The following ZMYND11 variants were observed in gnomAD, a reference collection of about 807,000 sequenced individuals.
ZMYND11 encodes zinc finger MYND domain-containing protein 11.
ZMYND11 carries 9 observed loss-of-function variants against 84.9 expected under a neutral mutation model. The ratio of observed to expected loss-of-function variants is 0.11; its 90% CI spans 0.06 to 0.18. The LOEUF is 0.18. ZMYND11 is among the 10% of genes least tolerant of loss of function. The probability of loss-of-function intolerance (pLI) is 1.00; values close to 1 mark genes in which losing one functional copy is unlikely to be tolerated. For missense variants in ZMYND11, 409 were observed against 761.0 expected (o/e 0.54, Z 5.44); for synonymous variants, 250 against 244.1 (o/e 1.02, Z -0.23).
chr10:211,563 A>G (rs1006572872), intron 3 of ZMYND11, among the ~76,000 whole-genome samples: 3 of 152,202 alleles, frequency 2.0e-5, no homozygotes, highest in African/African-American at 7.2e-5. Flanking sequence ...GTTTATAGCA[A>G]CAGCTGTGAT....
chr10:197,084 A>G lies in ZMYND11; in HGVS notation c.117-12805A>G, dbSNP rs575925659. On this transcript the variant is annotated intron_variant, in intron 2 of 14. Transcript: ENST00000381604. ...TGTGTTCATGTATGTGTATCAATAC[A>G]TACGCATGGAAGGTGGCGTGCTTTT... 3.3e-3 allele frequency among the ~76,000 whole-genome samples: 495 copies of G among 150,634 alleles called. 3 individuals are homozygous for G. The highest frequency in any genetic ancestry group is 0.012 in the African/African-American group (476 of 40,604).
At position 153,802 on chromosome 10, in the gene ZMYND11, C is replaced by T. The variant is rs143457042; in HGVS notation, c.-20+18243C>T. On this transcript the variant is annotated intron_variant, in intron 1 of 14. Coordinates refer to ENST00000381604, the MANE Select transcript of ZMYND11 (RefSeq NM_001370100.5). ...ATTAGATGGGTTTATTTGCCAGTGTCGTTGTAAAACAAGCCAGTTTCTTCC... is the reference window on the plus strand; with the variant it reads ...ATTAGATGGGTTTATTTGCCAGTGTTGTTGTAAAACAAGCCAGTTTCTTCC... 3.9e-3 allele frequency among the ~76,000 whole-genome samples: 594 copies of T among 152,262 alleles called. 4 individuals carry two copies. The highest frequency in any genetic ancestry group is 0.013 in the African/African-American group (542 of 41,542).
Position 248,941 on chromosome 10 carries a change from A to C in ZMYND11, c.1539A>C (p.Val513=). Residue 513 remains valine (V), a synonymous_variant, in exon 14 of 15, where the codon GTA becomes GTC. Transcript: ENST00000381604. ...TGGAAGAAGAAAAGAGACAAGCTGT[A>C]AATAAAGCTGTAGCCAACATGCAGG... ...SEMEEEKRQA[V]NKAVANMQGE... 6.2e-7 allele frequency: 1 copy of C among 1,614,058 alleles called. No individual in the cohort carries two copies. The highest frequency in any genetic ancestry group is 1.1e-5 in the South Asian group (1 of 91,032).
At chr10:214,600 G>C (rs1028905151) in intron 3 of ZMYND11, among the ~76,000 whole-genome samples, 4 of 152,174 alleles carry the variant, frequency 2.6e-5, no homozygotes, top group African/African-American at 9.7e-5. Context: ...ATTGGAAAAA[G>C]ACCGCAAGAC....
upstream of ZMYND11, among the ~76,000 whole-genome samples, chr10:133,010 C>T (rs1412991312): frequency 6.6e-6 from 1 of 152,218 alleles, no homozygotes; most frequent in Non-Finnish European, 1.5e-5. Flanking sequence ...TTCTGGGCTT[C>T]CTCCAAACCT....
intron 2 of ZMYND11, among the ~76,000 whole-genome samples, chr10:202,562 G>A (rs1421791585): frequency 6.6e-6 from 1 of 151,858 alleles, no homozygotes; most frequent in Non-Finnish European, 1.5e-5. Context: ...TGACTCCTTT[G>A]TTAGATTCTC....
chr10:175,089 A>G (rs1353180059), intron 1 of ZMYND11, among the ~76,000 whole-genome samples: 3 of 152,166 alleles, frequency 2.0e-5, no homozygotes, highest in Admixed American at 2.0e-4. Context: ...ACCCTAATGT[A>G]TACTGTGGAC....
intron 1 of ZMYND11, among the ~76,000 whole-genome samples, chr10:154,039 A>AACACC (rs1279657732): frequency 2.2e-4 from 33 of 152,192 alleles, no homozygotes; most frequent in African/African-American, 6.3e-4. Flanking sequence ...TCAGCTTCAC[A>AACACC]ACATTGCTGT....
chr10:142,202 G>A (rs1263253488), intron 1 of ZMYND11, among the ~76,000 whole-genome samples: 10 of 152,162 alleles, frequency 6.6e-5, no homozygotes, highest in African/African-American at 2.4e-4. Context: ...CTGGGCTCAA[G>A]TGATCCTCAC....
chr10:182,830 T>C (rs942640486), intron 2 of ZMYND11, among the ~76,000 whole-genome samples: 1 of 152,178 alleles, frequency 6.6e-6, no homozygotes, highest in Admixed American at 6.5e-5. Context: ...GATCTTTTGC[T>C]CTAAAGCCTA....
intron 1 of ZMYND11, among the ~76,000 whole-genome samples, chr10:165,457 A>G (rs1182749898): frequency 1.3e-5 from 2 of 152,096 alleles, no homozygotes; most frequent in Non-Finnish European, 2.9e-5. Flanking sequence ...CACTAGCTCT[A>G]TCTCCACATA....
intron 4 of ZMYND11, among the ~76,000 whole-genome samples, chr10:227,461 C>T (rs926430737): frequency 2.0e-4 from 30 of 152,202 alleles, no homozygotes; most frequent in African/African-American, 6.5e-4. Context: ...CAATTGGGTA[C>T]AGACTGGCAT....
chr10:179,971 T>C, intron 1 of ZMYND11, 23 bp from the exon 2 acceptor site: 1 of 1,437,582 alleles, frequency 7.0e-7, no homozygotes, highest in South Asian at 1.2e-5. Context: ...TTTTTTCCCT[T>C]ATGTTTTTGT....
chr10:239,394 T>C (rs917639975), intron 6 of ZMYND11, 44 bp from the exon 7 acceptor site: 8 of 1,530,952 alleles, frequency 5.2e-6, no homozygotes, highest in Non-Finnish European at 7.2e-6. Flanking sequence ...ACAAGTATTT[T>C]TACTGGTAAC....
At position 252,181 on chromosome 10, in the gene ZMYND11, C is replaced by G. The variant is rs1301236294; in HGVS notation, c.1687-167C>G. Among the ~76,000 whole-genome samples the G allele has an allele frequency of 1.3e-5, 2 of 152,170 alleles. No individual in the cohort carries two copies. Among genetic ancestry groups the G allele is most frequent in the Non-Finnish European group, 2.9e-5 (2 of 68,032 alleles). On this transcript the variant is annotated intron_variant, in intron 14 of 14. Coordinates refer to ENST00000381604, the MANE Select transcript of ZMYND11 (RefSeq NM_001370100.5). This position sits in a 1 kb window ranked among gnomAD's most constrained non-coding sequence, Gnocchi z 4.6. ...ACAACCAGGCATGAGCTGCAGTCATCCCCAGGGCTCCCTTTCCATCTGCTG... is the reference window on the plus strand; with the variant it reads ...ACAACCAGGCATGAGCTGCAGTCATGCCCAGGGCTCCCTTTCCATCTGCTG...
At chr10:233,239 C>G (rs550473352) in intron 4 of ZMYND11, among the ~76,000 whole-genome samples, 1 of 152,286 alleles carries the variant, frequency 6.6e-6, no homozygotes, top group South Asian at 2.1e-4. Flanking sequence ...CACACATACA[C>G]TGACATGCAC....
chr10:193,077 T>C (rs1453547710), intron 2 of ZMYND11, among the ~76,000 whole-genome samples: 1 of 152,220 alleles, frequency 6.6e-6, no homozygotes, highest in African/African-American at 2.4e-5. Flanking sequence ...TAATGTCTTA[T>C]GCTTTTGAAA....
intron 1 of ZMYND11, among the ~76,000 whole-genome samples, chr10:160,599 G>A (rs1351554261): frequency 6.6e-6 from 1 of 152,158 alleles, no homozygotes; most frequent in Non-Finnish European, 1.5e-5. Context: ...CAAAATTGGA[G>A]TCACTCGTCT....
chr10:159,359 A>T (rs1554760806), intron 1 of ZMYND11, among the ~76,000 whole-genome samples: 1 of 152,128 alleles, frequency 6.6e-6, no homozygotes, highest in East Asian at 1.9e-4. Flanking sequence ...TCCCACCAGT[A>T]GCGTATGAGA....
Sources: allele counts gnomAD v4.1 joint callset (sites outside exome capture counted in the v4.1 genomes callset), GRCh38; gene constraint gnomAD v4.1.1; non-coding constraint Gnocchi (gnomAD v3.1); transcripts MANE v1.5; gene names NCBI Gene and HGNC (gene_info 2026-07-23, HGNC 2026-07-21).